Variants in AFF2 observed in about 807,000 individuals in gnomAD.
AFF2 encodes ALF transcription elongation factor 2.
A neutral mutation model predicts 76.9 loss-of-function variants in AFF2; 14 were observed. The observed-to-expected ratio is 0.18, with a 90% confidence interval of 0.12 to 0.28. AFF2 has a LOEUF of 0.28. AFF2 is among the 10% of genes least tolerant of loss of function. AFF2 has a pLI of 1.00. For synonymous variants in AFF2, 398 were observed against 366.7 expected, an observed-to-expected ratio of 1.09 and a Z score of -0.98; for missense variants, 868 against 1,001.1, an observed-to-expected ratio of 0.87 and a Z score of 1.79.
chrX:148,580,670 T>A (rs1364312742), intron 1 of AFF2, among the ~76,000 whole-genome samples: 4 of 110,269 alleles, frequency 3.6e-5, no homozygotes, highest in Non-Finnish European at 5.7e-5. Context: ...TTAAAGAAAA[T>A]TATTTGAAGT....
chrX:148,614,930 A>T (rs1379687479), intron 1 of AFF2, among the ~76,000 whole-genome samples: 1 of 108,466 alleles, frequency 9.2e-6, no homozygotes, highest in Non-Finnish European at 1.9e-5. Flanking sequence ...CTTAATGAAT[A>T]AATGACTCTA....
intron 8 of AFF2, 54 bp downstream of exon 8, chrX:148,886,039 G>C: frequency 1.0e-6 from 1 of 966,333 alleles, no homozygotes; most frequent in East Asian, 3.1e-5. Flanking sequence ...AGGAGGAACT[G>C]GAATGGCTTT....
chrX:148,729,616 G>A (rs2055198331), intron 3 of AFF2, among the ~76,000 whole-genome samples: 1 of 111,495 alleles, frequency 9.0e-6, no homozygotes. Flanking sequence ...GGAGAGACAG[G>A]GAATAGACAA....
In AFF2 at chrX:148,681,779, G is replaced by T. The variant is rs189208365; in HGVS notation, c.1041+19011G>T. Among the ~76,000 whole-genome samples, 6 of 111,156 alleles carry T rather than the reference G, an allele frequency of 5.4e-5. No homozygotes were observed. The East Asian group carries it at 1.7e-3, about 32-fold the overall frequency. Reference sequence around the variant, plus strand: ...GGAATGTTAAAATGGGACTTTAGTAGTGTCTCTGTTTTTATTTTCCCCACC... The same window carrying T: ...GGAATGTTAAAATGGGACTTTAGTATTGTCTCTGTTTTTATTTTCCCCACC... On this transcript the variant is annotated intron_variant, in intron 3 of 20. Transcript: ENST00000370460.
chrX:148,614,709 CTTTCTTTCTTTCTTTCTTTCTTTCCTTCT>C (rs2053769695), intron 1 of AFF2, among the ~76,000 whole-genome samples: 1 of 44,219 alleles, frequency 2.3e-5, no homozygotes, highest in East Asian at 4.1e-4. Flanking sequence ...TTCTTTCTTT[CTTTCTTTCTTTCTTTCTTTCTTTCCTTCT>C]TTTCTTTCTT....
rs1603345798 is a variant in AFF2 at position 148,948,302 on chromosome X, G to A, written c.1398-5278G>A. Among the ~76,000 whole-genome samples, 5 of 111,894 alleles carry A rather than the reference G, an allele frequency of 4.5e-5. No individual in the cohort carries two copies. The Admixed American group carries it at 4.7e-4, about 11-fold the overall frequency. ...GACTGATAGAGTACTGTAGAGACAG[G>A]ACATTCCTAGACTTGCCTTAAGGAG... On this transcript the variant is annotated intron_variant, in intron 9 of 20. Transcript: ENST00000370460.
intron 1 of AFF2, among the ~76,000 whole-genome samples, chrX:148,614,738 T>TTTTCTTTCTTTCTTTCTTTCTTTC (rs563984440): frequency 3.6e-5 from 2 of 55,286 alleles, no homozygotes; most frequent in African/African-American, 1.7e-4. Context: ...TCTTTCCTTC[T>TTTTCTTTCTTTCTTTCTTTCTTTC]TTTCTTTCTT....
chrX:148,973,496 A>C lies in AFF2; in HGVS notation c.3293A>C (p.Asn1098Thr). The change falls in exon 16 of 21, where the codon AAT becomes ACT. Residue 1098 changes from asparagine (N) to threonine (T), a missense_variant. By Grantham distance (65) the Asn-to-Thr change is moderately conservative. Transcript: ENST00000370460. ...ALFEKFGKAV[N>T]YADAALSFTE... ...TTCGAGAAATTTGGCAAAGCTGTGA[A>C]TTATGCTGATGCCGCCCTCTCCTTC... is the stretch of plus-strand genomic sequence containing the variant. 8.3e-7 allele frequency: 1 copy of C among 1,211,430 alleles called. No individual in the cohort carries two copies.
Position 148,536,463 on chromosome X carries a change from G to A in AFF2, c.47+35319G>A, listed in dbSNP as rs149288183. On this transcript the variant is annotated intron_variant, in intron 1 of 20. Transcript: ENST00000370460. ...ATAGCTGCCCAATTGAAATGACTGC[G>A]ATATAGAGGCCCAAACTTTCTATGA... 7.0e-3 allele frequency among the ~76,000 whole-genome samples: 782 copies of A among 111,234 alleles called. 2 individuals are homozygous for A. Among genetic ancestry groups the A allele is most frequent in the Non-Finnish European group, 0.012 (628 of 53,067 alleles).
intron 7 of AFF2, among the ~76,000 whole-genome samples, chrX:148,885,348 T>C (rs190816963): frequency 1.2e-4 from 13 of 111,674 alleles, no homozygotes; most frequent in African/African-American, 4.2e-4. Flanking sequence ...GGTTAATGAC[T>C]AGCCATTTCT....
chrX:148,944,202 C>T (rs1239457813), intron 9 of AFF2, among the ~76,000 whole-genome samples: 1 of 112,077 alleles, frequency 8.9e-6, no homozygotes, highest in Non-Finnish European at 1.9e-5. Flanking sequence ...AGCAGTTGGG[C>T]CCCATCTCCG....
chrX:148,804,260 G>A (rs1021988308), intron 3 of AFF2, among the ~76,000 whole-genome samples: 1 of 111,841 alleles, frequency 8.9e-6, no homozygotes, highest in African/African-American at 3.3e-5. Flanking sequence ...AAGTTCGAGT[G>A]GCTTGCCCAA....
rs113532460 is a variant in AFF2, at chrX:148,517,577, C to T, written c.47+16433C>T. Among the ~76,000 whole-genome samples the T allele has an allele frequency of 1.7e-3, 190 of 111,858 alleles. 1 individual carries two copies. Among genetic ancestry groups the T allele is most frequent in the African/African-American group, 5.6e-3 (173 of 30,807 alleles). Reference sequence around the variant, plus strand: ...TTAAGTCAAAATCTAACCCTTAGTACATTGTACCACATTGTTGATTACTGC... The same window carrying T: ...TTAAGTCAAAATCTAACCCTTAGTATATTGTACCACATTGTTGATTACTGC... On this transcript the variant is annotated intron_variant, in intron 1 of 20. Coordinates refer to ENST00000370460, the MANE Select transcript of AFF2 (RefSeq NM_002025.4).
At chrX:148,986,628 C>T (rs782663336) in intron 19 of AFF2, among the ~76,000 whole-genome samples, 28 of 112,824 alleles carry the variant, frequency 2.5e-4, no homozygotes, top group Non-Finnish European at 3.7e-4. Context: ...TACTACTTTT[C>T]CCAGCTTCCC....
chrX:148,987,585 C>T (rs782653859), intron 20 of AFF2, 28 bp downstream of exon 20: 1 of 1,151,808 alleles, frequency 8.7e-7, no homozygotes, highest in Non-Finnish European at 1.2e-6. Flanking sequence ...ACCCATATAG[C>T]TCACAGACCA....
At chrX:148,823,976 T>C in intron 4 of AFF2, among the ~76,000 whole-genome samples, 1 of 111,071 alleles carries the variant, frequency 9.0e-6, no homozygotes, top group Non-Finnish European at 1.9e-5. Context: ...GCTCTGGAAA[T>C]AAGAGGGTAC....
chrX:148,549,760 A>G (rs1218177242), intron 1 of AFF2, among the ~76,000 whole-genome samples: 1 of 111,926 alleles, frequency 8.9e-6, no homozygotes, highest in Admixed American at 9.5e-5. Flanking sequence ...TTTTTTCAAA[A>G]TTATGTTTGA....
intron 1 of AFF2, among the ~76,000 whole-genome samples, chrX:148,601,592 G>A (rs1024226570): frequency 8.1e-5 from 9 of 111,382 alleles, no homozygotes; most frequent in African/African-American, 2.9e-4. Flanking sequence ...TAAATTAAGT[G>A]TGCATGTATT....
chrX:148,824,060 C>CCTCTCTCT (rs60032031), intron 4 of AFF2, among the ~76,000 whole-genome samples: 11,457 of 96,513 alleles, frequency 0.12, 1,139 homozygotes, highest in African/African-American at 0.31. Context: ...ATATTTGCTT[C>CCTCTCTCT]CTCTCTCTCT....
Sources: allele counts gnomAD v4.1 joint callset (sites outside exome capture counted in the v4.1 genomes callset), GRCh38; gene constraint gnomAD v4.1.1; transcripts MANE v1.5; gene names NCBI Gene and HGNC (gene_info 2026-07-23, HGNC 2026-07-21).